C12orf42: variants seen among roughly 807,000 people sequenced by gnomAD.
C12orf42 encodes chromosome 12 open reading frame 42.
A neutral mutation model predicts 21.6 loss-of-function variants in C12orf42; 25 were observed. The ratio of observed to expected loss-of-function variants is 1.16; its 90% CI spans 0.84 to 1.62. The LOEUF is 1.62. C12orf42 is among the 40% of genes most tolerant of loss of function. The pLI is 0.00. For synonymous variants in C12orf42, 174 were observed against 175.0 expected, an observed-to-expected ratio of 0.99 and a Z score of 0.05; for missense variants, 483 against 459.3, an observed-to-expected ratio of 1.05 and a Z score of -0.47.
At chr12:103,091,399 A>C in the C12orf42 span, among the ~76,000 whole-genome samples, 1 of 150,254 alleles carries the variant, frequency 6.7e-6, no homozygotes, top group African/African-American at 2.4e-5. Context: ...AAAAAAAAAA[A>C]GATACAAGAA....
intron 2 of C12orf42, among the ~76,000 whole-genome samples, chr12:103,424,642 T>C (rs1272532330): frequency 6.6e-6 from 1 of 152,192 alleles, no homozygotes; most frequent in East Asian, 1.9e-4. Context: ...GCATTCCGGA[T>C]ACTATGCTTT....
At chr12:103,336,642 C>A (rs192246886) in intron 4 of C12orf42, among the ~76,000 whole-genome samples, 1 of 152,228 alleles carries the variant, frequency 6.6e-6, no homozygotes, top group Non-Finnish European at 1.5e-5. Context: ...TCCTGGGGAC[C>A]ATAAAAGCTT....
chr12:103,086,752 T>C, the C12orf42 span, among the ~76,000 whole-genome samples: 1 of 152,076 alleles, frequency 6.6e-6, no homozygotes, highest in Non-Finnish European at 1.5e-5. Flanking sequence ...AACGGTGTTT[T>C]GTAAGAGCTA....
At chr12:103,442,457 G>A (rs1565835624) in intron 2 of C12orf42, among the ~76,000 whole-genome samples, 1 of 152,126 alleles carries the variant, frequency 6.6e-6, no homozygotes, top group African/African-American at 2.4e-5. Flanking sequence ...AAGACAAGGA[G>A]GCTTCCCTTG....
At chr12:103,459,287 T>C (rs755597760) in intron 2 of C12orf42, among the ~76,000 whole-genome samples, 7 of 152,206 alleles carry the variant, frequency 4.6e-5, no homozygotes, top group Non-Finnish European at 7.3e-5. Flanking sequence ...GTGATAGGGT[T>C]TGGATATTTG....
intron 2 of C12orf42, among the ~76,000 whole-genome samples, chr12:103,437,498 A>G (rs979004328): frequency 4.6e-5 from 7 of 152,250 alleles, no homozygotes; most frequent in African/African-American, 1.7e-4. Flanking sequence ...TAAAATTGAT[A>G]GACCGCTAGC....
chr12:103,528,361 G>T, the C12orf42 span, among the ~76,000 whole-genome samples: 1 of 152,218 alleles, frequency 6.6e-6, no homozygotes, highest in Non-Finnish European at 1.5e-5. Context: ...CTACAGTCAA[G>T]GGAAAATTCC....
intron 2 of C12orf42, among the ~76,000 whole-genome samples, chr12:103,454,789 G>T (rs1234463214): frequency 6.6e-6 from 1 of 152,068 alleles, no homozygotes; most frequent in African/African-American, 2.4e-5. Context: ...TTCCTATCCA[G>T]TTAGGATTCA....
At position 103,392,178 on chromosome 12, in the gene C12orf42, T is replaced by A. The variant is rs146385369; in HGVS notation, c.147+9429A>T. Among the ~76,000 whole-genome samples the A allele has an allele frequency of 2.8e-3, 433 of 152,320 alleles. 4 individuals carry two copies. Among genetic ancestry groups the A allele is most frequent in the African/African-American group, 9.8e-3 (408 of 41,576 alleles). ...TTGGTACGCTTTTCAATTCCATCAG[T>A]TTATATGCCTATCTGTATGCCAGTA... is the stretch of plus-strand genomic sequence containing the variant. On this transcript the variant is annotated intron_variant, in intron 3 of 5. Coordinates refer to ENST00000548883, the MANE Select transcript of C12orf42 (RefSeq NM_198521.5).
the C12orf42 span, among the ~76,000 whole-genome samples, chr12:103,111,505 A>C: frequency 6.6e-6 from 1 of 152,238 alleles, no homozygotes; most frequent in African/African-American, 2.4e-5. Flanking sequence ...TTCAAAGCAC[A>C]CATGAAGAAA....
the C12orf42 span, among the ~76,000 whole-genome samples, chr12:103,542,164 T>A: frequency 6.6e-6 from 1 of 152,292 alleles, no homozygotes; most frequent in Non-Finnish European, 1.5e-5. Flanking sequence ...AAAGAAAAAG[T>A]TTTCTTGGGA....
the C12orf42 span, among the ~76,000 whole-genome samples, chr12:103,207,953 T>G: frequency 2.0e-5 from 3 of 152,158 alleles, no homozygotes; most frequent in Non-Finnish European, 4.4e-5. Context: ...TGGCAAAAAC[T>G]TGATCAAATC....
the C12orf42 span, among the ~76,000 whole-genome samples, chr12:103,212,751 A>G: frequency 3.3e-5 from 5 of 152,210 alleles, no homozygotes; most frequent in Non-Finnish European, 7.4e-5. Flanking sequence ...ATCATTATTT[A>G]TCATTATCAT....
chr12:103,277,470 T>C (rs969794365), intron 4 of C12orf42, among the ~76,000 whole-genome samples: 16 of 152,120 alleles, frequency 1.1e-4, no homozygotes, highest in African/African-American at 3.6e-4. Context: ...GTAAATAATT[T>C]CTTAATGTAA....
the C12orf42 span, among the ~76,000 whole-genome samples, chr12:103,195,023 C>T: frequency 6.6e-6 from 1 of 152,042 alleles, no homozygotes; most frequent in South Asian, 2.1e-4. Flanking sequence ...TGTTTAGCTC[C>T]CACTTATAAG....
chr12:103,226,001 T>A, the C12orf42 span, among the ~76,000 whole-genome samples: 11 of 152,202 alleles, frequency 7.2e-5, no homozygotes, highest in East Asian at 1.9e-3. Flanking sequence ...TGGGACAGAG[T>A]TCCAGGGGAT....
intron 1 of C12orf42, among the ~76,000 whole-genome samples, chr12:103,479,153 C>T (rs1278562290): frequency 6.6e-6 from 1 of 152,018 alleles, no homozygotes; most frequent in South Asian, 2.1e-4. Flanking sequence ...AAAGGGAAGC[C>T]TAGTGAAATT....
intron 4 of C12orf42, among the ~76,000 whole-genome samples, chr12:103,334,828 A>G (rs1205680689): frequency 6.6e-6 from 1 of 152,204 alleles, no homozygotes; most frequent in East Asian, 1.9e-4. Context: ...TTTCGACCCC[A>G]CTCAAGAAAA....
At chr12:103,480,621 TTTTA>T (rs1403208807) in intron 1 of C12orf42, among the ~76,000 whole-genome samples, 2 of 151,758 alleles carry the variant, frequency 1.3e-5, no homozygotes, top group African/African-American at 4.8e-5. Context: ...AATATAATGC[TTTTA>T]TTATCTCTCA....
Sources: allele counts gnomAD v4.1 joint callset (sites outside exome capture counted in the v4.1 genomes callset), GRCh38; gene constraint gnomAD v4.1.1; transcripts MANE v1.5; gene names NCBI Gene and HGNC (gene_info 2026-07-23, HGNC 2026-07-21).